PRKN: variants seen among roughly 807,000 people sequenced by gnomAD.
The protein encoded by PRKN is parkin RBR E3 ubiquitin protein ligase, also known as E3 ubiquitin-protein ligase parkin.
In PRKN, 56 loss-of-function variants were observed where a neutral mutation model predicts 59.5. That is an observed-to-expected ratio of 0.94 (90% confidence interval 0.76 to 1.18). PRKN has a LOEUF of 1.18. PRKN is among the 50% of genes most tolerant of loss of function. The probability of loss-of-function intolerance (pLI) is 0.00; values close to 1 mark genes in which losing one functional copy is unlikely to be tolerated. For missense variants in PRKN, 657 were observed against 596.4 expected (o/e 1.10, Z -1.06); for synonymous variants, 250 against 222.1 (o/e 1.13, Z -1.12).
chr6:162,205,977 C>G (rs1784919998), intron 3 of PRKN, among the ~76,000 whole-genome samples: 1 of 152,104 alleles, frequency 6.6e-6, no homozygotes, highest in Admixed American at 6.5e-5. Context: ...ACTCACTGGG[C>G]AGTGAAACAG....
intron 2 of PRKN, among the ~76,000 whole-genome samples, chr6:162,372,310 A>C (rs1186843644): frequency 6.6e-6 from 1 of 152,142 alleles, no homozygotes; most frequent in African/African-American, 2.4e-5. Flanking sequence ...GCAAACCTCC[A>C]GGCCAGAGGC....
intron 6 of PRKN, among the ~76,000 whole-genome samples, chr6:161,848,077 G>A (rs923115146): frequency 6.6e-6 from 1 of 152,204 alleles, no homozygotes; most frequent in Admixed American, 6.5e-5. Context: ...ATTGTCTGAG[G>A]TCACCCAGGC....
chr6:161,455,688 AC>A (rs1789938143), intron 9 of PRKN, among the ~76,000 whole-genome samples: 1 of 151,654 alleles, frequency 6.6e-6, no homozygotes, highest in Non-Finnish European at 1.5e-5. Context: ...ACATGGTGAA[AC>A]CCCATCTCTA....
chr6:161,425,082 C>G (rs1344418717), intron 9 of PRKN, among the ~76,000 whole-genome samples: 1 of 148,506 alleles, frequency 6.7e-6, no homozygotes, highest in Non-Finnish European at 1.5e-5. Context: ...TATTGAGTGC[C>G]TATGTGCTGA....
intron 6 of PRKN, among the ~76,000 whole-genome samples, chr6:161,896,533 G>C (rs1034129627): frequency 1.1e-4 from 16 of 152,254 alleles, no homozygotes; most frequent in African/African-American, 3.1e-4. Flanking sequence ...ATATAGAGTA[G>C]AAACATCCCC....
At chr6:162,444,490 G>GAA (rs112386206) in intron 1 of PRKN, among the ~76,000 whole-genome samples, 19,060 of 146,192 alleles carry the variant, frequency 0.13, 1,726 homozygotes, top group African/African-American at 0.26. Flanking sequence ...AATGCTCCCA[G>GAA]AAAAAAAAAA....
At chr6:162,404,216 C>G (rs150363819) in intron 2 of PRKN, among the ~76,000 whole-genome samples, 1 of 151,610 alleles carries the variant, frequency 6.6e-6, no homozygotes, top group South Asian at 2.1e-4. Flanking sequence ...ACTAAAAATA[C>G]AAAAATTAGC....
At chr6:162,361,292 C>T (rs561202867) in intron 2 of PRKN, among the ~76,000 whole-genome samples, 9 of 152,038 alleles carry the variant, frequency 5.9e-5, no homozygotes, top group Non-Finnish European at 1.3e-4. Context: ...TATGTTGAAC[C>T]CCTAACCCCC....
intron 1 of PRKN, among the ~76,000 whole-genome samples, chr6:162,686,342 C>A (rs761960930): frequency 2.0e-5 from 3 of 152,116 alleles, no homozygotes; most frequent in Non-Finnish European, 2.9e-5. Flanking sequence ...TAAATGATAA[C>A]TCCTGAGGAA....
At position 161,749,171 on chromosome 6, in the gene PRKN, G is replaced by A. The variant is rs149295813; in HGVS notation, c.871+36601C>T. Among the ~76,000 whole-genome samples, 1,382 of 152,274 alleles carry A rather than the reference G, an allele frequency of 9.1e-3. 25 individuals carry two copies. The highest frequency in any genetic ancestry group is 0.031 in the African/African-American group (1,279 of 41,532). On this transcript the variant is annotated intron_variant, in intron 7 of 11. Coordinates refer to ENST00000366898, the MANE Select transcript of PRKN (RefSeq NM_004562.3). Reference sequence around the variant, plus strand: ...ACCCCCTCCGGGTCTACCCCAGTTAGCAATGTCTACTGGGACCTAGAGGGG... The same window carrying A: ...ACCCCCTCCGGGTCTACCCCAGTTAACAATGTCTACTGGGACCTAGAGGGG...
intron 7 of PRKN, among the ~76,000 whole-genome samples, chr6:161,680,728 T>TAC (rs1362057564): frequency 3.0e-3 from 25 of 8,422 alleles, no homozygotes; most frequent in African/African-American, 0.013. Flanking sequence ...CTGAAATACA[T>TAC]ATATATATAT....
chr6:162,108,931 T>G (rs1414309818), intron 4 of PRKN, among the ~76,000 whole-genome samples: 1 of 152,158 alleles, frequency 6.6e-6, no homozygotes, highest in Non-Finnish European at 1.5e-5. Flanking sequence ...TCAGTGGTGT[T>G]AAAAAGCAAT....
intron 4 of PRKN, among the ~76,000 whole-genome samples, chr6:162,123,769 G>T (rs1441020363): frequency 6.6e-6 from 1 of 152,140 alleles, no homozygotes; most frequent in African/African-American, 2.4e-5. Flanking sequence ...GAAAAGATAT[G>T]GTCAGTGTGG....
intron 9 of PRKN, among the ~76,000 whole-genome samples, chr6:161,494,206 C>T (rs1777660400): frequency 6.7e-6 from 1 of 150,260 alleles, no homozygotes; most frequent in Admixed American, 6.6e-5. Context: ...CAAATGCCCA[C>T]TGGGTTACTC....
chr6:162,135,910 T>C (rs1781544826), intron 4 of PRKN, among the ~76,000 whole-genome samples: 1 of 152,174 alleles, frequency 6.6e-6, no homozygotes, highest in South Asian at 2.1e-4. Context: ...ATATTTACAT[T>C]CTACAAAAGC....
intron 1 of PRKN, among the ~76,000 whole-genome samples, chr6:162,469,319 T>C: frequency 8.2e-6 from 1 of 121,730 alleles, no homozygotes; most frequent in Non-Finnish European, 1.6e-5. Context: ...AATGAAGAAT[T>C]TGTGGAATGT....
intron 1 of PRKN, among the ~76,000 whole-genome samples, chr6:162,641,701 C>T (rs189071694): frequency 6.6e-6 from 1 of 152,194 alleles, no homozygotes; most frequent in African/African-American, 2.4e-5. Context: ...TCTTTTGTCA[C>T]TCCATCCGCC....
intron 7 of PRKN, among the ~76,000 whole-genome samples, chr6:161,663,899 G>T (rs1784636022): frequency 6.6e-6 from 1 of 152,182 alleles, no homozygotes; most frequent in Admixed American, 6.5e-5. Flanking sequence ...ACATGGGGGA[G>T]TGGCTTGGGT....
intron 8 of PRKN, among the ~76,000 whole-genome samples, chr6:161,565,083 C>A (rs2115468685): frequency 6.6e-6 from 1 of 152,300 alleles, no homozygotes; most frequent in African/African-American, 2.4e-5. Context: ...TCTGCTTGCC[C>A]AGCTGAAATT....
Sources: gnomAD v4.1 joint callset for allele counts (sites outside exome capture counted in the v4.1 genomes callset) on GRCh38, gnomAD v4.1.1 for gene constraint, MANE v1.5 for transcripts, NCBI Gene and HGNC (gene_info 2026-07-23, HGNC 2026-07-21) for gene names.